Variants in PCNX1 observed in about 807,000 individuals in gnomAD.
PCNX1 encodes pecanex 1.
A neutral mutation model predicts 242.2 loss-of-function variants in PCNX1; 78 were observed. The observed-to-expected ratio is 0.32, with a 90% CI of 0.27 to 0.39. PCNX1 has a LOEUF of 0.39. PCNX1 is among the 10% of genes least tolerant of loss of function. The pLI, the probability that PCNX1 is intolerant of heterozygous loss-of-function variation, is 1.00. For synonymous variants in PCNX1, 1,024 were observed against 1,032.9 expected (o/e 0.99, Z 0.17); for missense variants, 2,581 against 2,856.5 (o/e 0.90, Z 2.20).
Position 71,103,433 on chromosome 14 carries a change from A to G in PCNX1, c.5859A>G (p.Gln1953=), listed in dbSNP as rs751372159. The change falls in exon 32 of 36, where the codon CAA becomes CAG. Residue 1953 remains glutamine, a synonymous_variant. Transcript: ENST00000304743. ...GTGTCCGAGGTCTTTGGGCAGGGCA[A>G]CAGCAGGAGCTTGTTTTTCTACGTA... ...KECVRGLWAG[Q]QQELVFLRNR... The G allele has an allele frequency of 8.7e-6, 14 of 1,614,102 alleles. 1 individual carries two copies. The South Asian group carries it at 1.4e-4, about 16-fold the overall frequency.
chr14:71,058,668 T>G (rs1476551602), intron 26 of PCNX1, among the ~76,000 whole-genome samples: 1 of 152,210 alleles, frequency 6.6e-6, no homozygotes, highest in Non-Finnish European at 1.5e-5. Flanking sequence ...TAAGAAGGCT[T>G]GCACCTTAGC....
chr14:70,910,217 T>TCCA (rs2055830317), intron 1 of PCNX1, among the ~76,000 whole-genome samples: 1 of 68,810 alleles, frequency 1.5e-5, no homozygotes, highest in African/African-American at 5.8e-5. Flanking sequence ...GTCCTCCTCC[T>TCCA]CCTCCTCCTC....
chr14:71,106,006 AT>A (rs966616282), intron 33 of PCNX1, among the ~76,000 whole-genome samples: 2 of 150,392 alleles, frequency 1.3e-5, no homozygotes, highest in Non-Finnish European at 3.0e-5. Context: ...TATAATTTTT[AT>A]TTTTTTTATT....
At chr14:70,994,825 T>G (rs771250833) in intron 7 of PCNX1, among the ~76,000 whole-genome samples, 3 of 151,924 alleles carry the variant, frequency 2.0e-5, no homozygotes, top group Non-Finnish European at 4.4e-5. Context: ...ATAAAATAAG[T>G]TAATATAGTC....
chr14:71,050,067 AACATAGTTTCCAAAGC>A (rs1219275472), intron 22 of PCNX1, among the ~76,000 whole-genome samples: 23 of 152,242 alleles, frequency 1.5e-4, no homozygotes, highest in Non-Finnish European at 2.9e-5. Flanking sequence ...TTACATTTAA[AACATAGTTTCCAAAGC>A]ACTAAAGTTT....
chr14:70,976,858 T>C, intron 5 of PCNX1, 84 bp from the exon 6 acceptor site: 1 of 1,121,624 alleles, frequency 8.9e-7, no homozygotes, highest in South Asian at 1.5e-5. Flanking sequence ...ATTTACTGTA[T>C]GCAGTGAATT....
intron 2 of PCNX1, among the ~76,000 whole-genome samples, chr14:70,949,282 T>TACACACGTGTATGCACACACGTGTATAC (rs2057657164): frequency 6.2e-5 from 3 of 48,300 alleles, no homozygotes; most frequent in East Asian, 6.2e-4. Flanking sequence ...CACACGTGTA[T>TACACACGTGTATGCACACACGTGTATAC]ACACACACGT....
chr14:70,998,252 C>A (rs922883921), intron 8 of PCNX1, among the ~76,000 whole-genome samples: 28 of 151,744 alleles, frequency 1.8e-4, no homozygotes, highest in Non-Finnish European at 3.7e-4. Context: ...TATACTAAAC[C>A]CCGAGAATCC....
At chr14:71,080,853 C>A (rs985525589) in intron 28 of PCNX1, among the ~76,000 whole-genome samples, 1 of 152,074 alleles carries the variant, frequency 6.6e-6, no homozygotes, top group East Asian at 1.9e-4. Context: ...ATTTAAATAC[C>A]CTTTATTTCT....
chr14:71,023,244 T>C lies in PCNX1; in HGVS notation c.3183+12T>C. 4 of 1,569,198 alleles carry C rather than the reference T, an allele frequency of 2.5e-6. No homozygotes were observed. The highest frequency in any genetic ancestry group is 3.5e-6 in the Non-Finnish European group (4 of 1,139,522). ...CTTCTCCCAGACATGTAAGTCACTC[T>C]TAATATGGCTGTACATTATAGGTCC... is the stretch of plus-strand genomic sequence containing the variant. On this transcript the variant is annotated intron_variant, in intron 13 of 35. Transcript: ENST00000304743.
intron 2 of PCNX1, among the ~76,000 whole-genome samples, chr14:70,948,812 ATTTAT>A (rs1037404965): frequency 6.8e-6 from 1 of 146,654 alleles, no homozygotes; most frequent in African/African-American, 2.6e-5. Flanking sequence ...ATAAATCAGC[ATTTAT>A]TTTTATTTAC....
At chr14:70,935,912 C>A (rs899885056) in intron 1 of PCNX1, among the ~76,000 whole-genome samples, 5 of 152,106 alleles carry the variant, frequency 3.3e-5, no homozygotes, top group Non-Finnish European at 7.4e-5. Context: ...TCCAGGAATT[C>A]TGGTTTTTAT....
chr14:71,099,349 G>C (rs965106378), intron 30 of PCNX1, among the ~76,000 whole-genome samples: 1 of 151,920 alleles, frequency 6.6e-6, no homozygotes, highest in East Asian at 1.9e-4. Flanking sequence ...TAGTAGAGAC[G>C]GGGTTTCACC....
chr14:71,086,103 C>T (rs2061982927), intron 28 of PCNX1, among the ~76,000 whole-genome samples: 1 of 151,934 alleles, frequency 6.6e-6, no homozygotes, highest in Non-Finnish European at 1.5e-5. Flanking sequence ...ACCAGTAATC[C>T]CATTCAGTAT....
At chr14:71,009,080 G>T (rs554251159) in intron 8 of PCNX1, among the ~76,000 whole-genome samples, 1 of 152,200 alleles carries the variant, frequency 6.6e-6, no homozygotes, top group East Asian at 1.9e-4. Flanking sequence ...CGCTCTTGTG[G>T]TAGAAACATA....
intron 19 of PCNX1, among the ~76,000 whole-genome samples, chr14:71,043,812 C>G (rs922715180): frequency 6.6e-6 from 1 of 151,964 alleles, no homozygotes; most frequent in Admixed American, 6.6e-5. Flanking sequence ...AATTCTTTTT[C>G]AGACAATTCA....
At chr14:70,981,358 C>T (rs1230258984) in intron 6 of PCNX1, among the ~76,000 whole-genome samples, 1 of 152,102 alleles carries the variant, frequency 6.6e-6, no homozygotes, top group Non-Finnish European at 1.5e-5. Flanking sequence ...TCTAAGTGTG[C>T]CATTGTGAAA....
At chr14:71,055,328 A>C (rs2061152730) in intron 24 of PCNX1, among the ~76,000 whole-genome samples, 176 bp from the exon 25 acceptor site, 1 of 151,898 alleles carries the variant, frequency 6.6e-6, no homozygotes, top group South Asian at 2.1e-4. Context: ...TTTTTTTTTA[A>C]TTTCCAAAAG....
intron 26 of PCNX1, among the ~76,000 whole-genome samples, chr14:71,062,968 A>G (rs1221188182): frequency 6.6e-6 from 1 of 152,236 alleles, no homozygotes; most frequent in African/African-American, 2.4e-5. Flanking sequence ...AACATGCTGT[A>G]CAGGTGTGTT....
Sources: gnomAD v4.1 joint callset for allele counts (sites outside exome capture counted in the v4.1 genomes callset) on GRCh38, gnomAD v4.1.1 for gene constraint, MANE v1.5 for transcripts, NCBI Gene and HGNC (gene_info 2026-07-23, HGNC 2026-07-21) for gene names.